Variants in ACACB observed in about 807,000 individuals in gnomAD.
ACACB encodes the protein acetyl-CoA carboxylase beta.
Under a neutral mutation model 278.8 loss-of-function variants are expected in ACACB, and 209 were observed. The observed-to-expected ratio is 0.75, with a 90% CI of 0.67 to 0.84. ACACB has a LOEUF of 0.84. Among genes scored for constraint, ACACB ranks in the 40% least tolerant of loss-of-function variants. The pLI, the probability that ACACB is intolerant of heterozygous loss-of-function variation, is 0.00. For missense variants in ACACB, 2,850 were observed against 3,269.0 expected (o/e 0.87, Z 3.13); for synonymous variants, 1,174 against 1,285.6 (o/e 0.91, Z 1.86).
At position 109,139,721 on chromosome 12, in the gene ACACB, TC is replaced by T. The variant is rs778727798; in HGVS notation, c.318del (p.Ser107ValfsTer55). The stretch of plus-strand genomic sequence containing the variant: ...GAAGCCCCCAAGAAACCCCCTTTCT[TC>T]CAGTGACGCAGCACCCTCCCCAGAG... Reference protein sequence around the residue: ...HQKPPRNPLSSSDAAPSPELQ... With the variant: ...HQKPPRNPLSXSDAAPSPELQ... On this transcript the variant is annotated frameshift_variant, in exon 2 of 53. Coordinates refer to ENST00000338432, the MANE Select transcript of ACACB (RefSeq NM_001093.4). LOFTEE classifies it high-confidence loss of function. The T allele has an allele frequency of 6.2e-7, 1 of 1,613,930 alleles. No individual in the cohort carries two copies. The highest frequency in any genetic ancestry group is 1.1e-5 in the South Asian group (1 of 91,052).
intron 24 of ACACB, among the ~76,000 whole-genome samples, chr12:109,217,383 T>C (rs1047650848): frequency 6.6e-6 from 1 of 152,120 alleles, no homozygotes; most frequent in South Asian, 2.1e-4. Context: ...CTTTGTACAA[T>C]GTAAGGGAAT....
intron 27 of ACACB, among the ~76,000 whole-genome samples, chr12:109,225,515 G>A (rs908977581): frequency 6.6e-6 from 1 of 152,220 alleles, no homozygotes; most frequent in African/African-American, 2.4e-5. Context: ...TTACAGGCGT[G>A]TGCCACCATG....
Position 109,254,292 on chromosome 12 carries a change from C to T in ACACB, c.6124C>T (p.Pro2042Ser). 4.3e-6 allele frequency: 7 copies of T among 1,612,308 alleles called. No homozygotes were observed. The highest frequency in any genetic ancestry group is 5.9e-6 in the Non-Finnish European group (7 of 1,179,900). Residue 2042 changes from proline (P) to serine (S), a missense_variant, in exon 44 of 53, where the codon CCC (proline) becomes TCC (serine). Coordinates refer to ENST00000338432, the MANE Select transcript of ACACB (RefSeq NM_001093.4). Reference protein sequence around the residue: ...REIEFLPSRAPYDPRWMLAGR... With the variant: ...REIEFLPSRASYDPRWMLAGR... ...AATTGAATTCCTCCCATCCAGAGCT[C>T]CCTACGACCCCCGGTGGATGCTTGC...
At chr12:109,152,311 CAT>C (rs1276837478) in intron 2 of ACACB, among the ~76,000 whole-genome samples, 1 of 152,106 alleles carries the variant, frequency 6.6e-6, no homozygotes, top group African/African-American at 2.4e-5. Context: ...GAGGTGGTTA[CAT>C]TTACACTGGG....
intron 19 of ACACB, 107 bp from the exon 20 acceptor site, chr12:109,206,603 C>A (rs115708227): frequency 0.066 from 89,338 of 1,352,608 alleles, 3,307 homozygotes; most frequent in Non-Finnish European, 0.074. Flanking sequence ...ACCTCATCCT[C>A]ACTTGATTAC....
At chr12:109,166,466 G>C (rs1015178874) in intron 2 of ACACB, among the ~76,000 whole-genome samples, 7 of 151,034 alleles carry the variant, frequency 4.6e-5, no homozygotes, top group Non-Finnish European at 8.9e-5. Context: ...GACGTCACTT[G>C]ACATCAAGAG....
At chr12:109,262,983 T>TATATATATATATATATATA (rs1491252356) in intron 49 of ACACB, 351 of 134,668 alleles carry the variant, frequency 2.6e-3, no homozygotes, top group Non-Finnish European at 3.8e-3. Context: ...TATATATATA[T>TATATATATATATATATATA]TGCCATCGTG....
intron 2 of ACACB, among the ~76,000 whole-genome samples, chr12:109,165,011 G>A (rs1352547338): frequency 6.6e-6 from 1 of 152,138 alleles, no homozygotes. Flanking sequence ...GAGTCTCCAG[G>A]GTGATGGTGA....
At chr12:109,210,163 ATATG>A (rs1309666601) in intron 21 of ACACB, among the ~76,000 whole-genome samples, 1 of 44,754 alleles carries the variant, frequency 2.2e-5, no homozygotes, top group Admixed American at 2.1e-4. Context: ...ACACGTGTGT[ATATG>A]TATATATGTA....
chr12:109,208,799 A>C (rs1386909501), intron 20 of ACACB, among the ~76,000 whole-genome samples: 2 of 152,140 alleles, frequency 1.3e-5, no homozygotes, highest in Admixed American at 6.6e-5. Context: ...CTTCCTTTAT[A>C]TGGTTGCTTT....
rs1172072857 is a variant in ACACB at position 109,193,716 on chromosome 12, A to G, written c.2468A>G (p.Lys823Arg). The change falls in exon 16 of 53, where the codon AAG (lysine) becomes AGG (arginine). Residue 823 changes from lysine (K) to arginine (R), a missense_variant. This residue lies in a region of ACACB where 2,265 missense variants were observed against 2,561.3 expected (regional missense o/e 0.88). Coordinates refer to ENST00000338432, the MANE Select transcript of ACACB (RefSeq NM_001093.4). ...GTGGAATTAATTTACGGAGGTGTTAAGTACATTCTCAAGGTAAATGCCCCC... is the reference window on the plus strand; with the variant it reads ...GTGGAATTAATTTACGGAGGTGTTAGGTACATTCTCAAGGTAAATGCCCCC... ...VDVELIYGGV[K>R]YILKVARQSL... The G allele has an allele frequency of 6.2e-7, 1 of 1,613,270 alleles. No individual in the cohort carries two copies. The highest frequency in any genetic ancestry group is 1.3e-5 in the African/African-American group (1 of 74,908).
At chr12:109,231,625 C>T (rs61934340) in intron 28 of ACACB, among the ~76,000 whole-genome samples, 27,201 of 152,050 alleles carry the variant, frequency 0.18, 2,585 homozygotes, top group East Asian at 0.24. Context: ...TCACAGGTCT[C>T]GGGACATAGT....
chr12:109,140,890 C>CTTTTTT lies in ACACB; in HGVS notation c.653+851_653+856dup, dbSNP rs386377714. Reference sequence around the variant, plus strand: ...CTGAAGAGACATTGATTCATTCATTCTTTTTTTTTTTTTTTTTTTTTTTTG... The same window carrying CTTTTTT: ...CTGAAGAGACATTGATTCATTCATTCTTTTTTTTTTTTTTTTTTTTTTTTTTTTTTG... On this transcript the variant is annotated intron_variant, in intron 2 of 52. Coordinates refer to ENST00000338432, the MANE Select transcript of ACACB (RefSeq NM_001093.4). Among the ~76,000 whole-genome samples the CTTTTTT allele has an allele frequency of 7.1e-3, 618 of 86,738 alleles. 42 individuals carry two copies. Among genetic ancestry groups the CTTTTTT allele is most frequent in the East Asian group, 0.036 (72 of 2,026 alleles). The allele number at this position is 86,738 out of a possible 152,430, so 56.9% of individuals were successfully genotyped here.
chr12:109,224,361 C>T (rs1001440549), intron 27 of ACACB, among the ~76,000 whole-genome samples: 1 of 151,640 alleles, frequency 6.6e-6, no homozygotes, highest in Non-Finnish European at 1.5e-5. Flanking sequence ...AAGGTGACCC[C>T]CTGCCCCCCG....
intron 15 of ACACB, among the ~76,000 whole-genome samples, chr12:109,192,346 C>G (rs1312997924): frequency 6.6e-6 from 1 of 152,144 alleles, no homozygotes; most frequent in Non-Finnish European, 1.5e-5. Context: ...TGAAATGGAC[C>G]AGAATGGAAA....
intron 2 of ACACB, among the ~76,000 whole-genome samples, chr12:109,151,203 T>TC (rs2043366137): frequency 6.6e-6 from 1 of 152,094 alleles, no homozygotes; most frequent in African/African-American, 2.4e-5. Context: ...CAGGCTGGTC[T>TC]TGAACTCCTG....
intron 28 of ACACB, among the ~76,000 whole-genome samples, chr12:109,228,945 C>T (rs1260083096): frequency 6.6e-6 from 1 of 152,058 alleles, no homozygotes; most frequent in Non-Finnish European, 1.5e-5. Context: ...CTGCTCAGTG[C>T]TCCCACACTC....
At position 109,117,743 on chromosome 12, in the gene ACACB, C is replaced by T. The variant is rs553935228; in HGVS notation, c.-10+1039C>T. 1.1e-4 allele frequency among the ~76,000 whole-genome samples: 17 copies of T among 152,286 alleles called. No homozygotes were observed. The South Asian group carries it at 2.7e-3, about 24-fold the overall frequency. On this transcript the variant is annotated intron_variant, in intron 1 of 52. Coordinates refer to ENST00000338432, the MANE Select transcript of ACACB (RefSeq NM_001093.4). ...ACTTTGCCCAGGACCGGGGAATTCC[C>T]GGGACATGGGACTTGCAATTTAAAA...
At chr12:109,154,335 A>G (rs927900147) in intron 2 of ACACB, among the ~76,000 whole-genome samples, 1 of 152,198 alleles carries the variant, frequency 6.6e-6, no homozygotes, top group African/African-American at 2.4e-5. Flanking sequence ...AGTCGACTTG[A>G]CAACAGGGAC....
Sources: gnomAD v4.1 joint callset for allele counts (sites outside exome capture counted in the v4.1 genomes callset) on GRCh38, gnomAD v4.1.1 for gene constraint, gnomAD v4.1.1 regional missense constraint, MANE v1.5 for transcripts, NCBI Gene and HGNC (gene_info 2026-07-23, HGNC 2026-07-21) for gene names.